The following PIK3CB variants were observed in gnomAD, a reference collection of about 807,000 sequenced individuals.
The protein encoded by PIK3CB is phosphatidylinositol-4,5-bisphosphate 3-kinase catalytic subunit beta.
In PIK3CB, 39 loss-of-function variants were observed where a neutral mutation model predicts 136.8. The observed-to-expected ratio is 0.29, with a 90% confidence interval of 0.22 to 0.37. The LOEUF is 0.37. PIK3CB is among the 10% of genes least tolerant of loss of function. PIK3CB has a pLI of 1.00. For missense variants in PIK3CB, 868 were observed against 1,275.4 expected, an observed-to-expected ratio of 0.68 and a Z score of 4.87; for synonymous variants, 428 against 436.6, an observed-to-expected ratio of 0.98 and a Z score of 0.25.
chr3:138,690,844 C>T (rs1303688890), intron 15 of PIK3CB, among the ~76,000 whole-genome samples, 156 bp downstream of exon 15: 1 of 151,760 alleles, frequency 6.6e-6, no homozygotes, highest in East Asian at 1.9e-4. Context: ...ATCAAGAGTG[C>T]TGGTATCAAG....
intron 8 of PIK3CB, among the ~76,000 whole-genome samples, chr3:138,715,240 T>G (rs1488432210): frequency 6.6e-6 from 1 of 152,218 alleles, no homozygotes; most frequent in Admixed American, 6.5e-5. Flanking sequence ...ATCTTGATTA[T>G]CCTATATATC....
At chr3:138,812,477 C>T (rs1487727093) in intron 1 of PIK3CB, among the ~76,000 whole-genome samples, 2 of 151,662 alleles carry the variant, frequency 1.3e-5, no homozygotes, top group South Asian at 2.1e-4. Flanking sequence ...TCTCGTGATC[C>T]GCCCACCTCA....
chr3:138,718,361 C>G (rs1456401143), intron 8 of PIK3CB, among the ~76,000 whole-genome samples: 1 of 151,006 alleles, frequency 6.6e-6, no homozygotes, highest in Non-Finnish European at 1.5e-5. Flanking sequence ...CATTTGCCCA[C>G]TTTTAATGTT....
At chr3:138,673,188 A>C (rs1027626332) in intron 19 of PIK3CB, among the ~76,000 whole-genome samples, 1 of 152,154 alleles carries the variant, frequency 6.6e-6, no homozygotes, top group Non-Finnish European at 1.5e-5. Flanking sequence ...AGAGAACAGG[A>C]AAGTTTAATA....
chr3:138,685,420 A>AAAAGAAAG (rs1553722272), intron 16 of PIK3CB, among the ~76,000 whole-genome samples: 8,101 of 85,070 alleles, frequency 0.095, 557 homozygotes, highest in East Asian at 0.53. Context: ...AAAAAAAAAA[A>AAAAGAAAG]AAAGAAAGAA....
intron 4 of PIK3CB, among the ~76,000 whole-genome samples, chr3:138,753,327 C>T (rs1172292981): frequency 6.6e-6 from 1 of 152,100 alleles, no homozygotes; most frequent in Non-Finnish European, 1.5e-5. Flanking sequence ...TTGAGACCAG[C>T]CTGTCCAACA....
intron 16 of PIK3CB, among the ~76,000 whole-genome samples, chr3:138,685,701 T>C (rs2043876155): frequency 6.6e-6 from 1 of 152,184 alleles, no homozygotes. Flanking sequence ...AATATAGACA[T>C]GCTATTTGTT....
intron 20 of PIK3CB, among the ~76,000 whole-genome samples, 187 bp from the exon 21 acceptor site, chr3:138,664,216 G>C (rs746296681): frequency 6.6e-6 from 1 of 152,118 alleles, no homozygotes; most frequent in Non-Finnish European, 1.5e-5. Flanking sequence ...TGGGCTGAGA[G>C]AGCTGCCTTC....
chr3:138,729,008 T>C (rs556060984), intron 8 of PIK3CB, among the ~76,000 whole-genome samples: 2 of 152,096 alleles, frequency 1.3e-5, no homozygotes, highest in Non-Finnish European at 2.9e-5. Flanking sequence ...AGGCTGGGCA[T>C]AGTAGCTCAC....
intron 19 of PIK3CB, among the ~76,000 whole-genome samples, chr3:138,672,678 G>A (rs994870783): frequency 4.6e-5 from 7 of 152,048 alleles, no homozygotes; most frequent in Non-Finnish European, 8.8e-5. Context: ...CTGGGAGATG[G>A]AGCCAGGCGG....
intron 1 of PIK3CB, chr3:138,825,341 G>A: frequency 5.7e-6 from 3 of 522,108 alleles, no homozygotes; most frequent in Middle Eastern, 3.1e-4. Context: ...AAAATGGGCA[G>A]ACCTGTCAGC....
intron 19 of PIK3CB, among the ~76,000 whole-genome samples, chr3:138,669,933 T>C (rs1180042000): frequency 2.0e-5 from 3 of 151,900 alleles, no homozygotes; most frequent in Non-Finnish European, 4.4e-5. Context: ...GTAAAAAAGG[T>C]TTGGTGAGAA....
chr3:138,694,867 CG>C lies in PIK3CB; in HGVS notation c.1810del (p.Arg604GlyfsTer4). 7 of 1,610,896 alleles carry C rather than the reference CG, an allele frequency of 4.3e-6. No homozygotes were observed. Among genetic ancestry groups the C allele is most frequent in the African/African-American group, 1.3e-5 (1 of 74,766 alleles). Reference sequence around the variant, plus strand: ...GAAATCCAGAAGCTCTAGGGCCTCCCGGGGGGGCAGTTTAGGCCAAATCTGA... The same window carrying C: ...GAAATCCAGAAGCTCTAGGGCCTCCCGGGGGGCAGTTTAGGCCAAATCTGA... ...LLQIWPKLPP[R>X]EALELLDFNY... On this transcript the variant is annotated frameshift_variant, in exon 14 of 24. Transcript: ENST00000674063. LOFTEE classifies it high-confidence loss of function.
intron 2 of PIK3CB, among the ~76,000 whole-genome samples, chr3:138,760,468 T>A (rs1474144103): frequency 6.6e-6 from 1 of 152,142 alleles, no homozygotes; most frequent in Non-Finnish European, 1.5e-5. Context: ...AATGCACCCT[T>A]TAATAGTGCC....
chr3:138,663,430 G>A (rs2043338666), intron 21 of PIK3CB, among the ~76,000 whole-genome samples: 1 of 152,142 alleles, frequency 6.6e-6, no homozygotes, highest in Non-Finnish European at 1.5e-5. Flanking sequence ...TGCCCAGGCT[G>A]GAGCACAGTG....
chr3:138,695,447 A>C (rs1394471242), intron 13 of PIK3CB, among the ~76,000 whole-genome samples: 1 of 152,166 alleles, frequency 6.6e-6, no homozygotes, highest in Non-Finnish European at 1.5e-5. Flanking sequence ...TCTCCGACCA[A>C]TTAAGCTTTG....
chr3:138,711,032 G>C (rs1004305942), intron 10 of PIK3CB, among the ~76,000 whole-genome samples: 1 of 150,500 alleles, frequency 6.6e-6, no homozygotes, highest in African/African-American at 2.4e-5. Context: ...TGAAGTGAGC[G>C]CATATCACAC....
chr3:138,705,200 A>AAAAATT (rs2044353746), intron 11 of PIK3CB, among the ~76,000 whole-genome samples: 1 of 144,170 alleles, frequency 6.9e-6, no homozygotes, highest in Non-Finnish European at 1.5e-5. Flanking sequence ...CAAAAAAAAA[A>AAAAATT]ACTTATATTT....
chr3:138,825,790 G>C (rs768824899), intron 1 of PIK3CB: 2 of 892,830 alleles, frequency 2.2e-6, no homozygotes, highest in African/African-American at 1.6e-5. Flanking sequence ...CTTTGCTCCA[G>C]TCAATGTTAC....
Sources: allele counts gnomAD v4.1 joint callset (sites outside exome capture counted in the v4.1 genomes callset), GRCh38; gene constraint gnomAD v4.1.1; transcripts MANE v1.5; gene names NCBI Gene and HGNC (gene_info 2026-07-23, HGNC 2026-07-21).